The following FILIP1 variants were observed in gnomAD, a reference collection of about 807,000 sequenced individuals.
FILIP1 encodes filamin A interacting protein 1.
A neutral mutation model predicts 102.1 loss-of-function variants in FILIP1; 61 were observed. That is an observed-to-expected ratio of 0.60 (90% CI 0.49 to 0.74). The LOEUF is 0.74. FILIP1 is among the 30% of genes least tolerant of loss of function. FILIP1 has a pLI of 0.00. For synonymous variants in FILIP1, 491 were observed against 526.9 expected, an observed-to-expected ratio of 0.93 and a Z score of 0.93; for missense variants, 1,314 against 1,441.2, an observed-to-expected ratio of 0.91 and a Z score of 1.43.
intron 2 of FILIP1, among the ~76,000 whole-genome samples, chr6:75,403,514 CAAAA>C (rs766214016): frequency 1.0e-4 from 3 of 28,830 alleles, no homozygotes; most frequent in African/African-American, 2.0e-4. Flanking sequence ...CTCTGTCCCA[CAAAA>C]AAAAAAAAAA....
At chr6:75,394,532 C>T (rs1175024724) in intron 2 of FILIP1, among the ~76,000 whole-genome samples, 1 of 151,998 alleles carries the variant, frequency 6.6e-6, no homozygotes, top group Non-Finnish European at 1.5e-5. Flanking sequence ...TGATTCACAG[C>T]TTGTATCAAA....
At position 75,316,595 on chromosome 6, in the gene FILIP1, T is replaced by A. The variant is rs527254139; in HGVS notation, c.630-1393A>T. On this transcript the variant is annotated intron_variant, in intron 4 of 5. Transcript: ENST00000237172. ...AAGCTATTAATAATTAAATACAGTGTGAGATAAGTATTACAGAAATGGCTC... is the reference window on the plus strand; with the variant it reads ...AAGCTATTAATAATTAAATACAGTGAGAGATAAGTATTACAGAAATGGCTC... Among the ~76,000 whole-genome samples, 32 of 152,260 alleles carry A rather than the reference T, an allele frequency of 2.1e-4. 1 individual carries two copies. The highest frequency in any genetic ancestry group is 3.4e-3 in the Middle Eastern group (1 of 294).
intron 2 of FILIP1, among the ~76,000 whole-genome samples, chr6:75,406,860 A>G (rs1776870906): frequency 6.6e-6 from 1 of 152,008 alleles, no homozygotes. Flanking sequence ...GGGTTTCACC[A>G]TGTTGGTCAG....
At chr6:75,456,854 C>T (rs911158875) in intron 1 of FILIP1, among the ~76,000 whole-genome samples, 2 of 151,994 alleles carry the variant, frequency 1.3e-5, no homozygotes, top group African/African-American at 4.8e-5. Flanking sequence ...CATCGTATTC[C>T]CAAAAATATT....
intron 1 of FILIP1, among the ~76,000 whole-genome samples, chr6:75,466,830 A>G (rs1779183483): frequency 6.6e-6 from 1 of 152,160 alleles, no homozygotes; most frequent in African/African-American, 2.4e-5. Flanking sequence ...TCCATTTTCT[A>G]TTTTATTTTA....
intron 1 of FILIP1, among the ~76,000 whole-genome samples, chr6:75,439,380 T>C (rs1582507640): frequency 1.3e-5 from 2 of 149,808 alleles, no homozygotes; most frequent in African/African-American, 4.9e-5. Context: ...AAAAAAAAGG[T>C]TAAATGGATT....
chr6:75,446,644 T>C (rs1462289330), intron 1 of FILIP1, among the ~76,000 whole-genome samples: 1 of 152,106 alleles, frequency 6.6e-6, no homozygotes, highest in Non-Finnish European at 1.5e-5. Context: ...AAGCTACAAC[T>C]GCCAACTTTT....
At chr6:75,394,794 T>C (rs1776406149) in intron 2 of FILIP1, among the ~76,000 whole-genome samples, 1 of 152,172 alleles carries the variant, frequency 6.6e-6, no homozygotes, top group African/African-American at 2.4e-5. Flanking sequence ...CAACTGATAA[T>C]GTACTGTGTT....
chr6:75,434,583 TG>T (rs1458557469), intron 1 of FILIP1, among the ~76,000 whole-genome samples: 1 of 152,236 alleles, frequency 6.6e-6, no homozygotes, highest in African/African-American at 2.4e-5. Flanking sequence ...TAAGGAGATT[TG>T]GGGCTGAGAC....
intron 2 of FILIP1, among the ~76,000 whole-genome samples, chr6:75,379,407 AT>A (rs1661604271): frequency 6.6e-6 from 1 of 152,216 alleles, no homozygotes; most frequent in African/African-American, 2.4e-5. Context: ...AAGATGCCTA[AT>A]GGAGACAGAA....
Position 75,377,005 on chromosome 6 carries a change from T to A in FILIP1, c.277-14088A>T, listed in dbSNP as rs77030848. On this transcript the variant is annotated intron_variant, in intron 2 of 5. Coordinates refer to ENST00000237172, the MANE Select transcript of FILIP1 (RefSeq NM_015687.5). ...CTAAACTTTTCTTAGTATTTTTTTT[T>A]AAACCCAGCATCAGTAAGAAACAAT... is the stretch of plus-strand genomic sequence containing the variant. 7.3e-3 allele frequency among the ~76,000 whole-genome samples: 1,118 copies of A among 152,286 alleles called. 37 individuals are homozygous for A. In the East Asian group the frequency reaches 0.11, roughly 14 times the overall value.
chr6:75,363,148 T>C, intron 2 of FILIP1: 1 of 461,826 alleles, frequency 2.2e-6, no homozygotes, highest in Non-Finnish European at 3.9e-6. Flanking sequence ...TTTGTGCTAA[T>C]ATTAACTACA....
At chr6:75,398,729 C>T (rs1475020207) in intron 2 of FILIP1, 1 of 152,224 alleles carries the variant, frequency 6.6e-6, no homozygotes, top group Non-Finnish European at 1.5e-5. Context: ...TTTAAATTCA[C>T]TATGGTCTGG....
chr6:75,310,108 G>A (rs935857063), intron 5 of FILIP1, among the ~76,000 whole-genome samples: 4 of 152,116 alleles, frequency 2.6e-5, no homozygotes, highest in South Asian at 2.1e-4. Context: ...TGCCCCATGC[G>A]CAACTGTTAG....
chr6:75,296,378 T>C (rs1037611149), intron 6 of FILIP1: 186 of 140,896 alleles, frequency 1.3e-3, no homozygotes, highest in Non-Finnish European at 2.3e-3. Context: ...TGTGTGTGTG[T>C]GTGTGGATTA....
At chr6:75,355,617 G>C (rs1464169481) in intron 3 of FILIP1, among the ~76,000 whole-genome samples, 1 of 152,058 alleles carries the variant, frequency 6.6e-6, no homozygotes, top group Admixed American at 6.5e-5. Context: ...TGGCCAGGCT[G>C]GTCTCAAACT....
intron 5 of FILIP1, 69 bp downstream of exon 5, chr6:75,312,328 G>T: frequency 6.8e-7 from 1 of 1,470,492 alleles, no homozygotes; most frequent in Non-Finnish European, 9.3e-7. Context: ...TACTGTGGGT[G>T]CTGGGTAGTC....
At chr6:75,294,032 T>G (rs2149529345) in exon 7 of FILIP1, 1 of 152,380 alleles carries the variant, frequency 6.6e-6, no homozygotes, top group Non-Finnish European at 1.5e-5. Flanking sequence ...GCAAGCCTAC[T>G]GTAACATTTC....
chr6:75,437,432 A>T (rs1778063585), intron 1 of FILIP1, among the ~76,000 whole-genome samples: 1 of 152,190 alleles, frequency 6.6e-6, no homozygotes, highest in South Asian at 2.1e-4. Flanking sequence ...AGTTCATAAG[A>T]ATATTGGCTT....
Sources: gnomAD v4.1 joint callset for allele counts (sites outside exome capture counted in the v4.1 genomes callset) on GRCh38, gnomAD v4.1.1 for gene constraint, MANE v1.5 for transcripts, NCBI Gene and HGNC (gene_info 2026-07-23, HGNC 2026-07-21) for gene names.